Variants in TMEM135 observed in about 807,000 individuals in gnomAD.
TMEM135 encodes peroxisomal membrane protein 52.
TMEM135 carries 30 observed loss-of-function variants against 60.3 expected under a neutral mutation model. That is an observed-to-expected ratio of 0.50 (90% CI 0.37 to 0.68). TMEM135 has a LOEUF of 0.68. Ranked by LOEUF, TMEM135 falls within the 30% of genes least tolerant of loss-of-function variation. The pLI, the probability that TMEM135 is intolerant of heterozygous loss-of-function variation, is 0.00. For synonymous variants in TMEM135, 190 were observed against 186.7 expected (o/e 1.02, Z -0.14); for missense variants, 468 against 548.8 (o/e 0.85, Z 1.47).
At chr11:87,190,292 G>A (rs914366622) in intron 5 of TMEM135, among the ~76,000 whole-genome samples, 1 of 152,096 alleles carries the variant, frequency 6.6e-6, no homozygotes, top group Non-Finnish European at 1.5e-5. Flanking sequence ...GAGGATTATT[G>A]TAGATAATGC....
At chr11:87,038,324 G>C in intron 1 of TMEM135, 138 bp downstream of exon 1, 1 of 887,622 alleles carries the variant, frequency 1.1e-6, no homozygotes, top group Non-Finnish European at 1.7e-6. Flanking sequence ...TGTTTTGGGG[G>C]GTCGGTAGGG....
At chr11:87,243,351 C>T (rs1941184623) in intron 6 of TMEM135, among the ~76,000 whole-genome samples, 1 of 144,276 alleles carries the variant, frequency 6.9e-6, no homozygotes, top group Non-Finnish European at 1.5e-5. Context: ...TTTTTGGTTC[C>T]ATATGAACTT....
chr11:87,286,499 C>T (rs1354586759), intron 6 of TMEM135, among the ~76,000 whole-genome samples: 1 of 152,240 alleles, frequency 6.6e-6, no homozygotes, highest in East Asian at 1.9e-4. Flanking sequence ...GAGCTGCCTG[C>T]CAGTCCCGTG....
At chr11:87,174,742 C>T (rs1030699370) in intron 5 of TMEM135, among the ~76,000 whole-genome samples, 17 of 152,130 alleles carry the variant, frequency 1.1e-4, no homozygotes, top group Admixed American at 4.6e-4. Flanking sequence ...TACAGCAGGT[C>T]CTCCAATCAT....
chr11:87,053,564 A>G (rs1162366554), intron 1 of TMEM135, among the ~76,000 whole-genome samples: 2 of 152,154 alleles, frequency 1.3e-5, no homozygotes, highest in African/African-American at 4.8e-5. Context: ...TATTTTGAAG[A>G]AAGTCTTTTT....
At chr11:87,126,173 C>T (rs968868704) in intron 4 of TMEM135, among the ~76,000 whole-genome samples, 1 of 152,096 alleles carries the variant, frequency 6.6e-6, no homozygotes, top group African/African-American at 2.4e-5. Flanking sequence ...GCCCGGCCTA[C>T]AATACCTGTA....
chr11:87,248,723 A>G (rs1459392569), intron 6 of TMEM135, among the ~76,000 whole-genome samples: 4 of 152,088 alleles, frequency 2.6e-5, no homozygotes, highest in Admixed American at 1.3e-4. Context: ...CATTTTGACA[A>G]TACTGATTCT....
rs151084669 is a variant in TMEM135, at chr11:87,172,756, G to C, written c.462+15350G>C. ...AAGATAAGTATATCTTTATGGATTT[G>C]TATGGATAATTATAAATATTGGTGT... is the stretch of plus-strand genomic sequence containing the variant. On this transcript the variant is annotated intron_variant, in intron 5 of 14. Transcript: ENST00000305494. Among the ~76,000 whole-genome samples, 348 of 151,896 alleles carry C rather than the reference G, an allele frequency of 2.3e-3. 1 individual carries two copies. The highest frequency in any genetic ancestry group is 7.5e-3 in the African/African-American group (313 of 41,482).
At chr11:87,042,359 A>G (rs1949757463) in intron 1 of TMEM135, among the ~76,000 whole-genome samples, 2 of 152,222 alleles carry the variant, frequency 1.3e-5, no homozygotes, top group South Asian at 2.1e-4. Flanking sequence ...ACCTACAGTC[A>G]AACAAGGTAG....
chr11:87,171,901 A>T (rs922362183), intron 5 of TMEM135, among the ~76,000 whole-genome samples: 1 of 152,122 alleles, frequency 6.6e-6, no homozygotes, highest in African/African-American at 2.4e-5. Context: ...TCACACTCTT[A>T]TGAGGATCTG....
chr11:87,312,513 A>G (rs1036914236), intron 10 of TMEM135, among the ~76,000 whole-genome samples: 4 of 151,838 alleles, frequency 2.6e-5, no homozygotes, highest in African/African-American at 9.7e-5. Flanking sequence ...TTCTGTGAAG[A>G]GCCAGATCAT....
rs1194878214 is a variant in TMEM135, at chr11:87,051,488, G to T, written c.141+13302G>T. Among the ~76,000 whole-genome samples, 2 of 66,004 alleles carry T rather than the reference G, an allele frequency of 3.0e-5. 1 individual carries two copies. Among genetic ancestry groups the T allele is most frequent in the Non-Finnish European group, 4.8e-5 (2 of 41,542 alleles). The allele number at this position is 66,004 out of a possible 152,430, so 43.3% of individuals were successfully genotyped here. A position where few individuals can be genotyped will look rare whatever the true frequency, so the allele number is the denominator to read the frequency against. Reference sequence around the variant, plus strand: ...CAAAGTCTCAGGATACAAAATCAATGTACAAAAATCACAAGCATTCTTATA... The same window carrying T: ...CAAAGTCTCAGGATACAAAATCAATTTACAAAAATCACAAGCATTCTTATA... On this transcript the variant is annotated intron_variant, in intron 1 of 14. Coordinates refer to ENST00000305494, the MANE Select transcript of TMEM135 (RefSeq NM_022918.4).
chr11:87,063,314 GC>G (rs1333510616), intron 1 of TMEM135, among the ~76,000 whole-genome samples: 1 of 152,076 alleles, frequency 6.6e-6, no homozygotes, highest in Non-Finnish European at 1.5e-5. Context: ...GGTATGATGT[GC>G]CTTTTTTTAG....
At chr11:87,060,054 T>C (rs1949931631) in intron 1 of TMEM135, among the ~76,000 whole-genome samples, 1 of 151,990 alleles carries the variant, frequency 6.6e-6, no homozygotes, top group Non-Finnish European at 1.5e-5. Context: ...TGTAGGTTGC[T>C]GTGGGCGGAG....
chr11:87,166,403 G>T (rs1468735258), intron 5 of TMEM135, among the ~76,000 whole-genome samples: 1 of 151,628 alleles, frequency 6.6e-6, no homozygotes, highest in Non-Finnish European at 1.5e-5. Flanking sequence ...GAATGGTATT[G>T]CTTAGGTTTT....
intron 4 of TMEM135, among the ~76,000 whole-genome samples, chr11:87,126,864 A>G (rs1391554526): frequency 6.6e-6 from 1 of 152,176 alleles, no homozygotes; most frequent in Non-Finnish European, 1.5e-5. Context: ...AGAGTAATTT[A>G]TGATGGAATT....
Position 87,159,589 on chromosome 11 carries a change from A to ACGCGCG in TMEM135, c.462+2188_462+2189insGCGCGC, listed in dbSNP as rs1555111979. The stretch of plus-strand genomic sequence containing the variant: ...ATCAAAGATACTACTGAATACACAC[A>ACGCGCG]CGCGCACACACACACACACACACAC... On this transcript the variant is annotated intron_variant, in intron 5 of 14. Transcript: ENST00000305494. Among the ~76,000 whole-genome samples the ACGCGCG allele has an allele frequency of 1.6e-4, 23 of 146,666 alleles. No individual in the cohort carries two copies. The East Asian group carries it at 4.2e-3, about 27-fold the overall frequency.
intron 6 of TMEM135, among the ~76,000 whole-genome samples, chr11:87,241,851 A>T (rs544916722): frequency 0.048 from 4,904 of 103,062 alleles, 114 homozygotes; most frequent in South Asian, 0.065. Flanking sequence ...TTTTTTTTTA[A>T]AAAAAAATTT....
Position 87,173,935 on chromosome 11 carries a change from C to T in TMEM135, c.462+16529C>T, listed in dbSNP as rs536333383. ...TATACAAAACATGTTTAATCACAAA[C>T]TTGATGTGTACTACTCAACCAAATT... is the stretch of plus-strand genomic sequence containing the variant. On this transcript the variant is annotated intron_variant, in intron 5 of 14. Coordinates refer to ENST00000305494, the MANE Select transcript of TMEM135 (RefSeq NM_022918.4). Among the ~76,000 whole-genome samples, 5 of 152,260 alleles carry T rather than the reference C, an allele frequency of 3.3e-5. 1 individual carries two copies. Among genetic ancestry groups the T allele is most frequent in the Admixed American group, 3.3e-4 (5 of 15,280 alleles).
Sources: gnomAD v4.1 joint callset for allele counts (sites outside exome capture counted in the v4.1 genomes callset) on GRCh38, gnomAD v4.1.1 for gene constraint, MANE v1.5 for transcripts, NCBI Gene and HGNC (gene_info 2026-07-23, HGNC 2026-07-21) for gene names.